Variants in DLC1 observed in about 807,000 individuals in gnomAD.
The protein encoded by DLC1 is DLC1 Rho GTPase activating protein, also known as rho GTPase-activating protein 7.
DLC1 carries 54 observed loss-of-function variants against 140.3 expected under a neutral mutation model. The ratio of observed to expected loss-of-function variants is 0.38; its 90% confidence interval spans 0.31 to 0.48. The LOEUF (loss-of-function observed/expected upper bound fraction) is 0.48, where lower values mean the gene tolerates loss of function less well. DLC1 is among the 20% of genes least tolerant of loss of function. DLC1 has a pLI of 0.96. For missense variants in DLC1, 2,536 were observed against 1,907.0 expected (o/e 1.33, Z -6.14); for synonymous variants, 986 against 728.1 (o/e 1.35, Z -5.70).
At chr8:13,545,213 G>C (rs1336835096) in intron 1 of DLC1, among the ~76,000 whole-genome samples, 1 of 151,712 alleles carries the variant, frequency 6.6e-6, no homozygotes, top group Non-Finnish European at 1.5e-5. Context: ...TTTTTAATAT[G>C]AACAAAACAT....
chr8:13,122,446 C>G (rs144959914), intron 5 of DLC1, among the ~76,000 whole-genome samples: 2 of 152,018 alleles, frequency 1.3e-5, no homozygotes, highest in South Asian at 2.1e-4. Context: ...CGAAAGACAA[C>G]TTTTTGCACA....
chr8:13,590,765 TA>T (rs2117472284), intron 1 of DLC1, among the ~76,000 whole-genome samples: 1 of 152,262 alleles, frequency 6.6e-6, no homozygotes, highest in East Asian at 1.9e-4. Flanking sequence ...TGCCATTATT[TA>T]AAAGTTCTAT....
intron 5 of DLC1, among the ~76,000 whole-genome samples, chr8:13,264,050 C>T (rs192456469): frequency 0.076 from 4,832 of 63,622 alleles, 135 homozygotes; most frequent in African/African-American, 0.17. Context: ...GAATAAGAAG[C>T]TTTTTATTTA....
intron 5 of DLC1, among the ~76,000 whole-genome samples, chr8:13,183,924 G>A (rs1280137504): frequency 6.6e-6 from 1 of 152,152 alleles, no homozygotes; most frequent in Non-Finnish European, 1.5e-5. Flanking sequence ...GGTAGAATTT[G>A]GCTGTGAATC....
At chr8:13,587,792 T>C (rs1276423502) in intron 1 of DLC1, among the ~76,000 whole-genome samples, 7 of 151,900 alleles carry the variant, frequency 4.6e-5, no homozygotes, top group Non-Finnish European at 1.0e-4. Context: ...AGTCAATCTT[T>C]CAAGTTTCTA....
chr8:13,289,957 G>A (rs912117157), intron 5 of DLC1, among the ~76,000 whole-genome samples: 2 of 152,116 alleles, frequency 1.3e-5, no homozygotes, highest in African/African-American at 4.8e-5. Context: ...ATGACACTTA[G>A]GGTATCTTTT....
intron 4 of DLC1, among the ~76,000 whole-genome samples, chr8:13,369,447 G>A (rs546785807): frequency 1.3e-5 from 2 of 150,230 alleles, no homozygotes; most frequent in South Asian, 2.1e-4. Context: ...GGCAATTTTC[G>A]GTTCTCATCT....
chr8:13,491,900 G>A (rs566244419), intron 2 of DLC1, among the ~76,000 whole-genome samples: 13 of 152,266 alleles, frequency 8.5e-5, no homozygotes, highest in South Asian at 4.1e-4. Flanking sequence ...ACATGCATTC[G>A]TTCTAGCATT....
intron 1 of DLC1, among the ~76,000 whole-genome samples, chr8:13,580,897 G>A (rs1377420409): frequency 2.0e-5 from 3 of 152,162 alleles, no homozygotes; most frequent in African/African-American, 4.8e-5. Context: ...TTGTGATGAG[G>A]GGGTGAGGAT....
chr8:13,311,119 T>G (rs1485688550), intron 4 of DLC1, among the ~76,000 whole-genome samples: 1 of 152,246 alleles, frequency 6.6e-6, no homozygotes, highest in East Asian at 1.9e-4. Flanking sequence ...TATCAGCTGA[T>G]ATACCATTAG....
At chr8:13,198,170 A>G (rs1827174881) in intron 5 of DLC1, among the ~76,000 whole-genome samples, 1 of 152,316 alleles carries the variant, frequency 6.6e-6, no homozygotes, top group African/African-American at 2.4e-5. Context: ...CAGTCTTAGA[A>G]GAAAGTGACG....
intron 1 of DLC1, among the ~76,000 whole-genome samples, chr8:13,500,689 G>A (rs940135157): frequency 6.6e-6 from 1 of 152,182 alleles, no homozygotes; most frequent in African/African-American, 2.4e-5. Context: ...ATGTATTAGT[G>A]TGTGAAGGAG....
intron 1 of DLC1, among the ~76,000 whole-genome samples, chr8:13,572,321 C>A (rs892399199): frequency 6.6e-6 from 1 of 152,024 alleles, no homozygotes; most frequent in African/African-American, 2.4e-5. Flanking sequence ...GATCTCCTGA[C>A]CTTGTGATCC....
At chr8:13,312,588 C>G (rs942901750) in intron 4 of DLC1, among the ~76,000 whole-genome samples, 4 of 151,870 alleles carry the variant, frequency 2.6e-5, no homozygotes, top group African/African-American at 4.8e-5. Context: ...TAAATCATGT[C>G]TTTCTCTATG....
intron 2 of DLC1, 35 bp from the exon 3 acceptor site, chr8:13,401,654 A>C (rs752764832): frequency 6.3e-7 from 1 of 1,592,578 alleles, no homozygotes; most frequent in Non-Finnish European, 8.6e-7. Context: ...TGAATCTGAA[A>C]GGCCATTTCT....
chr8:13,604,472 A>C (rs1180580919), intron 1 of DLC1: 1 of 152,214 alleles, frequency 6.6e-6, no homozygotes, highest in African/African-American at 2.4e-5. Context: ...CTACTAACAT[A>C]ATAATGCACA....
chr8:13,382,505 CAAA>C (rs71207149), intron 4 of DLC1, among the ~76,000 whole-genome samples: 2,294 of 35,482 alleles, frequency 0.065, 80 homozygotes, highest in East Asian at 0.17. Context: ...GACTCCGTCT[CAAA>C]AAAAAAAAAA....
intron 2 of DLC1, among the ~76,000 whole-genome samples, chr8:13,488,911 C>A (rs1176843612): frequency 6.6e-6 from 1 of 151,998 alleles, no homozygotes; most frequent in African/African-American, 2.4e-5. Context: ...AAATATTTAG[C>A]CAACGAATGC....
chr8:13,215,726 C>A (rs1248971748), intron 5 of DLC1, among the ~76,000 whole-genome samples: 3 of 152,168 alleles, frequency 2.0e-5, no homozygotes, highest in Non-Finnish European at 4.4e-5. Context: ...ACTTCATAAT[C>A]CATATTTTCT....
Sources: gnomAD v4.1 joint callset for allele counts (sites outside exome capture counted in the v4.1 genomes callset) on GRCh38, gnomAD v4.1.1 for gene constraint, MANE v1.5 for transcripts, NCBI Gene and HGNC (gene_info 2026-07-23, HGNC 2026-07-21) for gene names.